MDGA1: variants seen among roughly 807,000 people sequenced by gnomAD.
MDGA1 encodes the protein MAM domain-containing glycosylphosphatidylinositol anchor protein 1.
Under a neutral mutation model 101.5 loss-of-function variants are expected in MDGA1, and 54 were observed. The observed-to-expected ratio is 0.53, with a 90% CI of 0.43 to 0.67. The LOEUF (loss-of-function observed/expected upper bound fraction) is 0.67. MDGA1 is among the 30% of genes least tolerant of loss of function. The probability of loss-of-function intolerance (pLI) is 0.00; values close to 1 mark genes in which losing one functional copy is unlikely to be tolerated. For synonymous variants in MDGA1, 533 were observed against 558.3 expected (o/e 0.95, Z 0.64); for missense variants, 1,083 against 1,323.8 (o/e 0.82, Z 2.82).
intron 1 of MDGA1, among the ~76,000 whole-genome samples, chr6:37,671,232 A>G (rs1761862811): frequency 6.6e-6 from 1 of 152,174 alleles, no homozygotes; most frequent in Non-Finnish European, 1.5e-5. Context: ...TCTGAGAAAG[A>G]CTTAGCACAC....
At chr6:37,654,564 G>A in intron 5 of MDGA1, 21 bp from the exon 6 acceptor site, 1 of 1,613,974 alleles carries the variant, frequency 6.2e-7, no homozygotes, top group Non-Finnish European at 8.5e-7. Flanking sequence ...AAGGAGGGGG[G>A]TCTTAGGGGA....
Position 37,635,744 on chromosome 6 carries a change from C to A in MDGA1, c.*1624G>T. On this transcript the variant is annotated 3_prime_UTR_variant, in exon 17 of 17. Coordinates refer to ENST00000434837, the MANE Select transcript of MDGA1 (RefSeq NM_153487.4). Reference sequence around the variant, plus strand: ...CAAAGGTGCTTGCATTCAATAGGGTCATCTGTAAGCTCTCCGTCATCCATA... The same window carrying A: ...CAAAGGTGCTTGCATTCAATAGGGTAATCTGTAAGCTCTCCGTCATCCATA... 5.0e-6 allele frequency: 2 copies of A among 398,596 alleles called. No homozygotes were observed. The highest frequency in any genetic ancestry group is 2.6e-4 in the South Asian group (2 of 7,732). The allele number at this position is 398,596 out of a possible 1,614,324, so 24.7% of individuals were successfully genotyped here.
intron 6 of MDGA1, among the ~76,000 whole-genome samples, chr6:37,653,072 G>A (rs1761405648): frequency 6.6e-6 from 1 of 152,206 alleles, no homozygotes; most frequent in Non-Finnish European, 1.5e-5. Flanking sequence ...AATAAGCCAA[G>A]AGTTAAATCG....
At chr6:37,660,716 C>T (rs1424376512) in intron 2 of MDGA1, among the ~76,000 whole-genome samples, 2 of 152,054 alleles carry the variant, frequency 1.3e-5, no homozygotes, top group African/African-American at 4.8e-5. Context: ...GCTCTGTTTT[C>T]TCTAGTTCCT....
In MDGA1 at chr6:37,697,284, C is replaced by A. The variant is rs1762442673; in HGVS notation, c.-473G>T. On this transcript the variant is annotated 5_prime_UTR_variant, in exon 1 of 17. Transcript: ENST00000434837. ...AGGCCGGGGCTCCGCTCGAGTTAATCAATCTGCTGTTTCCAGTCCTGCGGC... is the reference window on the plus strand; with the variant it reads ...AGGCCGGGGCTCCGCTCGAGTTAATAAATCTGCTGTTTCCAGTCCTGCGGC... 1 of 155,220 alleles carries A rather than the reference C, an allele frequency of 6.4e-6. No homozygotes were observed. Among genetic ancestry groups the A allele is most frequent in the African/African-American group, 2.4e-5 (1 of 41,594 alleles). 9.6% of individuals were successfully genotyped at this position (155,220 alleles called of 1,614,324 possible).
chr6:37,695,464 G>A (rs1762397206), intron 1 of MDGA1, among the ~76,000 whole-genome samples: 2 of 152,206 alleles, frequency 1.3e-5, no homozygotes, highest in African/African-American at 2.4e-5. Context: ...GCAGAGTTTG[G>A]CCAGATGCCT....
chr6:37,656,218 C>T (rs1761483731), intron 3 of MDGA1, among the ~76,000 whole-genome samples: 1 of 151,976 alleles, frequency 6.6e-6, no homozygotes, highest in Non-Finnish European at 1.5e-5. Flanking sequence ...GCTGGGATTA[C>T]AGGCATATGC....
At position 37,636,459 on chromosome 6, in the gene MDGA1, C is replaced by T. The variant is rs1368223680; in HGVS notation, c.*909G>A. 6 of 152,248 alleles carry T rather than the reference C, an allele frequency of 3.9e-5. No individual in the cohort carries two copies. Among genetic ancestry groups the T allele is most frequent in the Admixed American group, 1.3e-4 (2 of 15,280 alleles). 9.4% of individuals were successfully genotyped at this position (152,248 alleles called of 1,614,324 possible). A position where few individuals can be genotyped will look rare whatever the true frequency, so the allele number is the denominator to read the frequency against. On this transcript the variant is annotated 3_prime_UTR_variant, in exon 17 of 17. Transcript: ENST00000434837. ...ATATGGGGGCACCAAATCACAGAAG[C>T]GGGACGTCTCTTCTGCCTTTCTCCA...
At chr6:37,662,767 C>T (rs574643178) in intron 2 of MDGA1, among the ~76,000 whole-genome samples, 1 of 152,256 alleles carries the variant, frequency 6.6e-6, no homozygotes, top group Non-Finnish European at 1.5e-5. Context: ...AAATAGAAAA[C>T]CACGTACACA....
chr6:37,679,638 C>G (rs909149406), intron 1 of MDGA1, among the ~76,000 whole-genome samples: 5 of 152,166 alleles, frequency 3.3e-5, no homozygotes, highest in African/African-American at 1.2e-4. Context: ...TGTGCCTCAG[C>G]CAGTGACAGC....
At chr6:37,660,787 T>A (rs1761604963) in intron 2 of MDGA1, among the ~76,000 whole-genome samples, 1 of 152,220 alleles carries the variant, frequency 6.6e-6, no homozygotes, top group Admixed American at 6.5e-5. Flanking sequence ...CTGTATTTTT[T>A]AATATTTTAA....
Position 37,637,946 on chromosome 6 carries a change from C to G in MDGA1, c.2776+259G>C. On this transcript the variant is annotated intron_variant, in intron 16 of 16. Transcript: ENST00000434837. The stretch of plus-strand genomic sequence containing the variant: ...ACGCACAGATGTATTCAGACACAGG[C>G]ACAGGAGGCGCTCTGATACCGTGAA... 3 of 567,656 alleles carry G rather than the reference C, an allele frequency of 5.3e-6. No individual in the cohort carries two copies. In the South Asian group the frequency reaches 7.7e-5, roughly 14 times the overall value. 35.2% of individuals were successfully genotyped at this position (567,656 alleles called of 1,614,324 possible).
chr6:37,646,092 A>G, intron 11 of MDGA1, 106 bp downstream of exon 11: 1 of 1,558,522 alleles, frequency 6.4e-7, no homozygotes, highest in Non-Finnish European at 8.8e-7. Flanking sequence ...GTGACAAGGT[A>G]GTACACGGTG....
chr6:37,632,078 C>G lies in MDGA1; in HGVS notation c.*5290G>C, dbSNP rs1182453344. 1 of 152,212 alleles carries G rather than the reference C, an allele frequency of 6.6e-6. No individual in the cohort carries two copies. Among genetic ancestry groups the G allele is most frequent in the African/African-American group, 2.4e-5 (1 of 41,440 alleles). The allele number at this position is 152,212 out of a possible 1,614,324, so 9.4% of individuals were successfully genotyped here. A position where few individuals can be genotyped will look rare whatever the true frequency, so the allele number is the denominator to read the frequency against. On this transcript the variant is annotated 3_prime_UTR_variant, in exon 17 of 17. Transcript: ENST00000434837. ...GTTCCCTCTGCTCAGAAGCCTCTCC[C>G]AATCCCAACAGGCTAACTCCAATCA... is the stretch of plus-strand genomic sequence containing the variant.
chr6:37,664,723 G>C (rs1761706034), intron 1 of MDGA1, among the ~76,000 whole-genome samples: 1 of 149,190 alleles, frequency 6.7e-6, no homozygotes, highest in African/African-American at 2.5e-5. Flanking sequence ...TCTTTGCTTG[G>C]CTGCCTCACT....
chr6:37,673,767 G>A (rs968063143), intron 1 of MDGA1, among the ~76,000 whole-genome samples: 3 of 152,026 alleles, frequency 2.0e-5, no homozygotes, highest in African/African-American at 4.8e-5. Flanking sequence ...TAGGAAAGCC[G>A]ACTTGAAACA....
chr6:37,644,383 G>T, intron 13 of MDGA1, 114 bp downstream of exon 13: 2 of 1,153,686 alleles, frequency 1.7e-6, no homozygotes, highest in Non-Finnish European at 2.3e-6. Flanking sequence ...TGAGAACAGG[G>T]CTGCGTCTCC....
rs374717827 is a variant in MDGA1, at chr6:37,655,891, C to G, written c.388G>C (p.Asp130His). The change falls in exon 4 of 17, where the codon GAT becomes CAT. Residue 130 changes from aspartate (D) to histidine (H), a missense_variant. By Grantham distance (81) the Asp-to-His change is moderately conservative (BLOSUM62 -1). Transcript: ENST00000434837. This position sits in a 1 kb window ranked among gnomAD's most constrained non-coding sequence, Gnocchi z 5.1. ...KSIRVDVQYL[D>H]EPMLTVHQTV... Reference sequence around the variant, plus strand: ...TGGTGCACCGTCAGCATTGGCTCATCCAGGTCTGCAAGGGCACAGCCCCCA... The same window carrying G: ...TGGTGCACCGTCAGCATTGGCTCATGCAGGTCTGCAAGGGCACAGCCCCCA... 10 of 1,611,680 alleles carry G rather than the reference C, an allele frequency of 6.2e-6. No individual in the cohort carries two copies. Among genetic ancestry groups the G allele is most frequent in the Middle Eastern group, 1.7e-4 (1 of 5,850 alleles).
chr6:37,633,695 G>A lies in MDGA1; in HGVS notation c.*3673C>T, dbSNP rs1443138219. 6.6e-6 allele frequency: 1 copy of A among 152,450 alleles called. No homozygotes were observed. The highest frequency in any genetic ancestry group is 2.4e-5 in the African/African-American group (1 of 41,450). The allele number at this position is 152,450 out of a possible 1,614,324, so 9.4% of individuals were successfully genotyped here. A position where few individuals can be genotyped will look rare whatever the true frequency, so the allele number is the denominator to read the frequency against. On this transcript the variant is annotated 3_prime_UTR_variant, in exon 17 of 17. Transcript: ENST00000434837. ...ATGAGAGGCCAGAATTTGGAGCCGA[G>A]GGCAGGATCCCAGCAACATCTATAA...
Sources: allele counts gnomAD v4.1 joint callset (sites outside exome capture counted in the v4.1 genomes callset), GRCh38; gene constraint gnomAD v4.1.1; non-coding constraint Gnocchi (gnomAD v3.1); transcripts MANE v1.5; gene names NCBI Gene and HGNC (gene_info 2026-07-23, HGNC 2026-07-21).